ADAMTS6: variants seen among roughly 807,000 people sequenced by gnomAD.
ADAMTS6 encodes A disintegrin and metalloproteinase with thrombospondin motifs 6.
A neutral mutation model predicts 144.3 loss-of-function variants in ADAMTS6; 23 were observed. The observed-to-expected ratio is 0.16, with a 90% CI of 0.11 to 0.23. The LOEUF (loss-of-function observed/expected upper bound fraction) is 0.23, where lower values mean the gene tolerates loss of function less well. Among genes scored for constraint, ADAMTS6 ranks in the 10% least tolerant of loss-of-function variants. The pLI, the probability that ADAMTS6 is intolerant of heterozygous loss-of-function variation, is 1.00. For missense variants in ADAMTS6, 999 were observed against 1,379.6 expected (o/e 0.72, Z 4.37); for synonymous variants, 444 against 457.5 (o/e 0.97, Z 0.38).
intron 9 of ADAMTS6, among the ~76,000 whole-genome samples, chr5:65,311,530 C>T (rs1744490091): frequency 6.6e-6 from 1 of 152,030 alleles, no homozygotes; most frequent in Non-Finnish European, 1.5e-5. Context: ...AATTTCCTTA[C>T]ATAGGGTAAA....
chr5:65,158,151 A>G (rs1170723903), intron 24 of ADAMTS6, among the ~76,000 whole-genome samples: 1 of 152,214 alleles, frequency 6.6e-6, no homozygotes, highest in Non-Finnish European at 1.5e-5. Context: ...TGGTAAAGAA[A>G]AAAACTGGCC....
chr5:65,230,834 TATATATAATACATATATATGAA>T (rs1758174987), intron 15 of ADAMTS6, among the ~76,000 whole-genome samples: 1 of 92,836 alleles, frequency 1.1e-5, no homozygotes, highest in Non-Finnish European at 2.3e-5. Flanking sequence ...TGTATAAATA[TATATATAATACATATATATGAA>T]ATATATATAA....
chr5:65,391,798 T>C (rs1462176762), intron 7 of ADAMTS6, among the ~76,000 whole-genome samples: 3 of 151,824 alleles, frequency 2.0e-5, no homozygotes, highest in Non-Finnish European at 4.4e-5. Context: ...TGCAGTAGCA[T>C]GATCTTGGCT....
chr5:65,393,474 A>G (rs16893789), intron 7 of ADAMTS6, among the ~76,000 whole-genome samples: 17,270 of 152,236 alleles, frequency 0.11, 1,112 homozygotes, highest in African/African-American at 0.14. Flanking sequence ...CTGAATTATC[A>G]TCTGAAAACT....
At chr5:65,329,878 T>C in intron 8 of ADAMTS6, among the ~76,000 whole-genome samples, 1 of 152,086 alleles carries the variant, frequency 6.6e-6, no homozygotes, top group East Asian at 1.9e-4. Context: ...GTTTAGTGGG[T>C]TCATAAAAAT....
At chr5:65,342,507 T>G (rs62369657) in intron 7 of ADAMTS6, among the ~76,000 whole-genome samples, 17,241 of 152,104 alleles carry the variant, frequency 0.11, 1,052 homozygotes, top group African/African-American at 0.15. Context: ...AAATTCAAGA[T>G]GAGATTTGGG....
rs557017242 is a variant in ADAMTS6, at chr5:65,347,705, TAAGAC to T, written c.1074-13625_1074-13621del. ...CACAGCAAAGGAAATTTAACAGTGA[TAAGAC>T]AACCTATAGATTAGGAGAAAATATT... is the stretch of plus-strand genomic sequence containing the variant. On this transcript the variant is annotated intron_variant, in intron 7 of 24. Coordinates refer to ENST00000381055, the MANE Select transcript of ADAMTS6 (RefSeq NM_197941.4). Among the ~76,000 whole-genome samples the T allele has an allele frequency of 4.5e-3, 681 of 152,156 alleles. 3 individuals carry two copies. Among genetic ancestry groups the T allele is most frequent in the African/African-American group, 0.015 (634 of 41,562 alleles).
intron 22 of ADAMTS6, among the ~76,000 whole-genome samples, chr5:65,177,548 C>T (rs1011586743): frequency 2.0e-5 from 3 of 152,126 alleles, no homozygotes; most frequent in Non-Finnish European, 4.4e-5. Flanking sequence ...ATTCTTGCCC[C>T]CCAATGTAGA....
chr5:65,274,052 G>C (rs1438411126), intron 11 of ADAMTS6, among the ~76,000 whole-genome samples: 1 of 152,094 alleles, frequency 6.6e-6, no homozygotes, highest in Non-Finnish European at 1.5e-5. Flanking sequence ...AGGAAACTTG[G>C]TTTTGAACAA....
chr5:65,242,156 A>C lies in ADAMTS6; in HGVS notation c.1881T>G (p.Phe627Leu). Residue 627 changes from phenylalanine (F) to leucine (L), a missense_variant, in exon 15 of 25, where the codon TTT becomes TTG. Physicochemically the swap from Phe to Leu is conservative, Grantham distance 22. Transcript: ENST00000381055. ...ACTTTCCTCGGAAAGGCATATTGTC[A>C]AAGTCTGCACACTGTTTCTCTCGAA... ...RDFREKQCAD[F>L]DNMPFRGKYY... 1.2e-6 allele frequency: 2 copies of C among 1,604,586 alleles called. No homozygotes were observed. The highest frequency in any genetic ancestry group is 1.7e-6 in the Non-Finnish European group (2 of 1,173,948).
chr5:65,265,074 A>T (rs948876809), intron 12 of ADAMTS6, among the ~76,000 whole-genome samples: 4 of 152,104 alleles, frequency 2.6e-5, no homozygotes, highest in African/African-American at 4.8e-5. Context: ...TTTTTAGAGC[A>T]GTGCTGAGCA....
intron 9 of ADAMTS6, among the ~76,000 whole-genome samples, chr5:65,300,584 T>C (rs966289806): frequency 1.6e-4 from 24 of 152,260 alleles, no homozygotes; most frequent in African/African-American, 5.8e-4. Context: ...ATAGCTATGA[T>C]CAGTTGAGTT....
At position 65,214,405 on chromosome 5, in the gene ADAMTS6, G is replaced by A. The variant is rs566224845; in HGVS notation, c.2575+389C>T. 6.0e-5 allele frequency: 21 copies of A among 348,340 alleles called. No individual in the cohort carries two copies. The highest frequency in any genetic ancestry group is 1.8e-3 in the Middle Eastern group (2 of 1,084). 21.6% of individuals were successfully genotyped at this position (348,340 alleles called of 1,614,324 possible). A position where few individuals can be genotyped will look rare whatever the true frequency, so the allele number is the denominator to read the frequency against. On this transcript the variant is annotated intron_variant, in intron 20 of 24. Transcript: ENST00000381055. The surrounding 1 kb of genome is among the most constrained non-coding windows in gnomAD (Gnocchi z 4.6). Reference sequence around the variant, plus strand: ...AAACACACACAACAAGCACACAGCCGTACATTCTCATCTCCCATTACAAGA... The same window carrying A: ...AAACACACACAACAAGCACACAGCCATACATTCTCATCTCCCATTACAAGA...
At chr5:65,203,500 C>T (rs186348337) in intron 20 of ADAMTS6, among the ~76,000 whole-genome samples, 3 of 152,230 alleles carry the variant, frequency 2.0e-5, no homozygotes, top group Admixed American at 6.5e-5. Flanking sequence ...GTTGAGAGTA[C>T]AAAGGCCTTG....
chr5:65,203,800 G>A (rs368404811), intron 20 of ADAMTS6, among the ~76,000 whole-genome samples: 1 of 151,938 alleles, frequency 6.6e-6, no homozygotes, highest in Non-Finnish European at 1.5e-5. Flanking sequence ...AGTATTTTAT[G>A]CATTCAAACA....
intron 9 of ADAMTS6, among the ~76,000 whole-genome samples, chr5:65,309,197 G>T (rs1744236994): frequency 6.6e-6 from 1 of 151,984 alleles, no homozygotes; most frequent in Non-Finnish European, 1.5e-5. Flanking sequence ...TTATTACATT[G>T]TAAGATATAA....
chr5:65,177,549 C>T (rs150643972), intron 22 of ADAMTS6, among the ~76,000 whole-genome samples: 2 of 152,280 alleles, frequency 1.3e-5, no homozygotes, highest in African/African-American at 2.4e-5. Flanking sequence ...TTCTTGCCCC[C>T]CAATGTAGAG....
chr5:65,289,306 G>A (rs962534716), intron 11 of ADAMTS6, among the ~76,000 whole-genome samples: 9 of 152,156 alleles, frequency 5.9e-5, no homozygotes, highest in Non-Finnish European at 1.0e-4. Flanking sequence ...AGGCCGAGGC[G>A]GGCTGATCAC....
At chr5:65,457,200 T>G (rs1759276250) in intron 4 of ADAMTS6, among the ~76,000 whole-genome samples, 1 of 152,216 alleles carries the variant, frequency 6.6e-6, no homozygotes, top group South Asian at 2.1e-4. Flanking sequence ...AGGTGTGTGA[T>G]ACAGCCAGAT....
Sources: allele counts gnomAD v4.1 joint callset (sites outside exome capture counted in the v4.1 genomes callset), GRCh38; gene constraint gnomAD v4.1.1; non-coding constraint Gnocchi (gnomAD v3.1); transcripts MANE v1.5; gene names NCBI Gene and HGNC (gene_info 2026-07-23, HGNC 2026-07-21).